IL18: variants seen among roughly 807,000 people sequenced by gnomAD.
IL18 encodes interleukin 18, also known as interleukin-18.
Under a neutral mutation model 14.2 loss-of-function variants are expected in IL18, and 8 were observed. That is an observed-to-expected ratio of 0.56 (90% CI 0.33 to 1.01). The LOEUF is 1.01. Ranked by LOEUF, IL18 falls within the 50% of genes least tolerant of loss-of-function variation. The pLI is 0.03. For synonymous variants in IL18, 67 were observed against 71.0 expected, an observed-to-expected ratio of 0.94 and a Z score of 0.28; for missense variants, 166 against 231.1, an observed-to-expected ratio of 0.72 and a Z score of 1.83.
At chr11:112,146,954 G>C (rs1186463560) in intron 5 of IL18, among the ~76,000 whole-genome samples, 7 of 122,408 alleles carry the variant, frequency 5.7e-5, no homozygotes, top group Admixed American at 3.6e-4. Context: ...TTTTGAGACC[G>C]AGTTTTGCTC....
Position 112,146,038 on chromosome 11 carries a change from T to C in IL18, c.361-2221A>G, listed in dbSNP as rs563992284. Among the ~76,000 whole-genome samples, 360 of 149,954 alleles carry C rather than the reference T, an allele frequency of 2.4e-3. 2 individuals are homozygous for C. The highest frequency in any genetic ancestry group is 7.5e-3 in the South Asian group (36 of 4,784). On this transcript the variant is annotated intron_variant, in intron 5 of 5. Coordinates refer to ENST00000280357, the MANE Select transcript of IL18 (RefSeq NM_001562.4). The stretch of plus-strand genomic sequence containing the variant: ...AAGGGGAAAGGGATTTCTTTCTTTT[T>C]TTTTTTTTTTTTTTTACATCAGAAG...
At chr11:112,154,673 T>C (rs190698025) in intron 2 of IL18, among the ~76,000 whole-genome samples, 1 of 152,348 alleles carries the variant, frequency 6.6e-6, no homozygotes, top group East Asian at 1.9e-4. Flanking sequence ...ATTTTTCCCA[T>C]GGAAATCCAA....
At chr11:112,153,659 G>T in intron 2 of IL18, 56 bp from the exon 3 acceptor site, 4 of 1,282,994 alleles carry the variant, frequency 3.1e-6, no homozygotes, top group Non-Finnish European at 4.4e-6. Context: ...TTTCGACTCA[G>T]AATTCAATCT....
chr11:112,162,341 C>CTTTTT (rs140882241), intron 1 of IL18, among the ~76,000 whole-genome samples: 15 of 131,140 alleles, frequency 1.1e-4, no homozygotes, highest in South Asian at 2.5e-4. Context: ...CTTTTCTTTT[C>CTTTTT]TTTTTTTTTT....
rs1411913156 is a variant in IL18 at position 112,150,057 on chromosome 11, A to G, written c.226+15T>C. On this transcript the variant is annotated intron_variant, in intron 4 of 5. Coordinates refer to ENST00000280357, the MANE Select transcript of IL18 (RefSeq NM_001562.4). The stretch of plus-strand genomic sequence containing the variant: ...GTAGCTAGTCATTTCTATGTTTGCG[A>G]ATTAAAAAAAATACCTCTACAGTCA... 1.3e-6 allele frequency: 2 copies of G among 1,587,556 alleles called. No individual in the cohort carries two copies. The highest frequency in any genetic ancestry group is 1.9e-5 in the Admixed American group (1 of 52,234).
At chr11:112,159,324 C>A (rs1014357557) in intron 1 of IL18, among the ~76,000 whole-genome samples, 2 of 151,822 alleles carry the variant, frequency 1.3e-5, no homozygotes, top group African/African-American at 4.8e-5. Context: ...GCAGCAAAAG[C>A]GAAACTCTGT....
chr11:112,155,933 T>C (rs1369526766), intron 1 of IL18, among the ~76,000 whole-genome samples: 1 of 152,206 alleles, frequency 6.6e-6, no homozygotes, highest in Non-Finnish European at 1.5e-5. Context: ...TTAGTAGTAC[T>C]TGTGACTCTG....
intron 3 of IL18, among the ~76,000 whole-genome samples, chr11:112,152,068 C>A (rs1866448976): frequency 6.6e-6 from 1 of 152,176 alleles, no homozygotes; most frequent in Admixed American, 6.5e-5. Flanking sequence ...CTCAGAACCA[C>A]ATGTAGAAGA....
rs201283697 is a variant in IL18 at position 112,143,367 on chromosome 11, A to G, written c.*229T>C. ...GCAATCTCGGCTCACCACAACCTCTACCTCCGGAGTGCAAGTGATTCTCCT... is the reference window on the plus strand; with the variant it reads ...GCAATCTCGGCTCACCACAACCTCTGCCTCCGGAGTGCAAGTGATTCTCCT... On this transcript the variant is annotated 3_prime_UTR_variant, in exon 6 of 6. Transcript: ENST00000280357. The G allele has an allele frequency of 1.6e-5, 6 of 367,110 alleles. No individual in the cohort carries two copies. The highest frequency in any genetic ancestry group is 1.0e-4 in the African/African-American group (5 of 48,136). The allele number at this position is 367,110 out of a possible 1,614,324, so 22.7% of individuals were successfully genotyped here.
intron 1 of IL18, among the ~76,000 whole-genome samples, chr11:112,156,829 C>T (rs1338095251): frequency 6.6e-6 from 1 of 150,844 alleles, no homozygotes; most frequent in Non-Finnish European, 1.5e-5. Flanking sequence ...ATTTATCAAA[C>T]ATTTAAATAT....
chr11:112,159,622 GT>G (rs1238606192), intron 1 of IL18, among the ~76,000 whole-genome samples: 1 of 152,172 alleles, frequency 6.6e-6, no homozygotes, highest in Non-Finnish European at 1.5e-5. Context: ...CAGCTCAAGT[GT>G]AAAATAATTA....
chr11:112,153,716 T>C, intron 2 of IL18, 113 bp from the exon 3 acceptor site: 1 of 681,738 alleles, frequency 1.5e-6, no homozygotes, highest in Admixed American at 2.9e-5. Flanking sequence ...AACTCCTATT[T>C]TTATGGTTTA....
chr11:112,158,297 T>C (rs1866568926), intron 1 of IL18, among the ~76,000 whole-genome samples: 1 of 152,196 alleles, frequency 6.6e-6, no homozygotes, highest in Non-Finnish European at 1.5e-5. Context: ...CAAAGTTAAC[T>C]TTTCTTTGGA....
rs1457994206 is a variant in IL18, at chr11:112,158,112, G to T, written c.-8-3051C>A. ...TCTTCCTGCTTCGGCCTCCCAAAGT[G>T]CTGGGATAACAGGGGTAAGCCACTG... On this transcript the variant is annotated intron_variant, in intron 1 of 5. Transcript: ENST00000280357. Among the ~76,000 whole-genome samples, 9 of 152,196 alleles carry T rather than the reference G, an allele frequency of 5.9e-5. No homozygotes were observed. In the East Asian group the frequency reaches 1.7e-3, roughly 29 times the overall value.
At chr11:112,146,033 CTTTTT>C (rs10708869) in intron 5 of IL18, among the ~76,000 whole-genome samples, 7 of 131,134 alleles carry the variant, frequency 5.3e-5, no homozygotes, top group Non-Finnish European at 8.1e-5. Flanking sequence ...GGATTTCTTT[CTTTTT>C]TTTTTTTTTT....
intron 5 of IL18, among the ~76,000 whole-genome samples, chr11:112,146,818 T>C (rs1866351410): frequency 6.6e-6 from 1 of 151,586 alleles, no homozygotes; most frequent in Non-Finnish European, 1.5e-5. Context: ...GAAGCTTAAA[T>C]GTCAGATTCC....
At chr11:112,146,520 C>T (rs1458764415) in intron 5 of IL18, among the ~76,000 whole-genome samples, 2 of 152,070 alleles carry the variant, frequency 1.3e-5, no homozygotes, top group Admixed American at 6.5e-5. Flanking sequence ...GACAGAGTAT[C>T]GCCATGCTGG....
chr11:112,153,395 CT>C, intron 3 of IL18, 196 bp downstream of exon 3: 1 of 418,760 alleles, frequency 2.4e-6, no homozygotes, highest in South Asian at 9.2e-5. Flanking sequence ...AGAGAAGCAT[CT>C]TTTGCTAGAG....
At chr11:112,150,291 A>G (rs746492035) in intron 3 of IL18, 85 bp from the exon 4 acceptor site, 1 of 878,846 alleles carries the variant, frequency 1.1e-6, no homozygotes, top group South Asian at 1.6e-5. Context: ...TTAGTTTTCT[A>G]AAACTATTAA....
Sources: allele counts gnomAD v4.1 joint callset (sites outside exome capture counted in the v4.1 genomes callset), GRCh38; gene constraint gnomAD v4.1.1; transcripts MANE v1.5; gene names NCBI Gene and HGNC (gene_info 2026-07-23, HGNC 2026-07-21).